The following PTPRD variants were observed in gnomAD, a reference collection of about 807,000 sequenced individuals.
PTPRD encodes protein tyrosine phosphatase receptor type D.
PTPRD carries 34 observed loss-of-function variants against 214.5 expected under a neutral mutation model. The observed-to-expected ratio is 0.16, with a 90% CI of 0.12 to 0.21. The LOEUF (loss-of-function observed/expected upper bound fraction) is 0.21. Among genes scored for constraint, PTPRD ranks in the 10% least tolerant of loss-of-function variants. The pLI is 1.00. For synonymous variants in PTPRD, 1,128 were observed against 845.7 expected (o/e 1.33, Z -5.79); for missense variants, 2,545 against 2,398.7 (o/e 1.06, Z -1.27).
chr9:10,158,061 T>C (rs977106961), intron 3 of PTPRD, among the ~76,000 whole-genome samples: 1 of 152,000 alleles, frequency 6.6e-6, no homozygotes, highest in Non-Finnish European at 1.5e-5. Context: ...CAGGCTGGAG[T>C]GCAATGGCGC....
intron 3 of PTPRD, among the ~76,000 whole-genome samples, chr9:10,073,134 G>C (rs1427637539): frequency 6.6e-6 from 1 of 152,042 alleles, no homozygotes; most frequent in Non-Finnish European, 1.5e-5. Context: ...TAGTGGAGAG[G>C]AGAACGTTGA....
At chr9:8,978,230 C>A (rs1733933558) in intron 11 of PTPRD, among the ~76,000 whole-genome samples, 1 of 152,072 alleles carries the variant, frequency 6.6e-6, no homozygotes, top group South Asian at 2.1e-4. Flanking sequence ...TTATCTCAGT[C>A]TCAAAGGGTA....
chr9:9,049,554 G>A (rs1004180254), intron 10 of PTPRD, among the ~76,000 whole-genome samples: 1 of 152,044 alleles, frequency 6.6e-6, no homozygotes, highest in Non-Finnish European at 1.5e-5. Context: ...GTTGCTAAGG[G>A]GAATAGCATA....
At chr9:10,348,718 C>T (rs956836493) in intron 2 of PTPRD, among the ~76,000 whole-genome samples, 56 of 152,116 alleles carry the variant, frequency 3.7e-4, no homozygotes, top group African/African-American at 9.7e-5. Flanking sequence ...AACGCTATTA[C>T]GGAACTTCGA....
At chr9:8,489,783 C>T (rs1482013780) in intron 27 of PTPRD, among the ~76,000 whole-genome samples, 2 of 152,112 alleles carry the variant, frequency 1.3e-5, no homozygotes, top group Non-Finnish European at 2.9e-5. Flanking sequence ...AAGAATTCTC[C>T]CAAACTCCAC....
intron 6 of PTPRD, among the ~76,000 whole-genome samples, chr9:9,742,253 A>C (rs2098411399): frequency 6.6e-6 from 1 of 152,116 alleles, no homozygotes; most frequent in South Asian, 2.1e-4. Context: ...TGAGAAACTT[A>C]AGGAAGAGAC....
chr9:10,231,596 G>C (rs1396129998), intron 3 of PTPRD, among the ~76,000 whole-genome samples: 1 of 151,934 alleles, frequency 6.6e-6, no homozygotes, highest in Non-Finnish European at 1.5e-5. Context: ...GCGTGAACCT[G>C]TGTGTTACTT....
chr9:9,710,878 A>C (rs79195337), intron 7 of PTPRD, among the ~76,000 whole-genome samples: 7,932 of 152,220 alleles, frequency 0.052, 660 homozygotes, highest in African/African-American at 0.18. Context: ...CATGATTTCC[A>C]GCCAGGGCCG....
chr9:8,579,697 G>C (rs1354695729), intron 14 of PTPRD, among the ~76,000 whole-genome samples: 1 of 152,188 alleles, frequency 6.6e-6, no homozygotes, highest in Non-Finnish European at 1.5e-5. Flanking sequence ...ACCAGATCTG[G>C]GAAAGGCTTC....
chr9:9,856,012 G>C (rs2061487704), intron 5 of PTPRD, among the ~76,000 whole-genome samples: 1 of 152,232 alleles, frequency 6.6e-6, no homozygotes. Flanking sequence ...GAGATCGCAA[G>C]AATGAGTGGA....
At chr9:10,590,969 G>A (rs905034468) in intron 2 of PTPRD, among the ~76,000 whole-genome samples, 4 of 151,506 alleles carry the variant, frequency 2.6e-5, no homozygotes, top group African/African-American at 9.7e-5. Flanking sequence ...GCTGATTTAA[G>A]AATGTTTGAA....
At chr9:10,056,302 CAGAG>C (rs777498539) in intron 3 of PTPRD, among the ~76,000 whole-genome samples, 11 of 145,598 alleles carry the variant, frequency 7.6e-5, no homozygotes, top group Non-Finnish European at 1.2e-4. Context: ...ACCTGGGTGA[CAGAG>C]AGAGACTCCA....
chr9:9,575,900 A>G (rs527242544), intron 7 of PTPRD, among the ~76,000 whole-genome samples: 106 of 152,072 alleles, frequency 7.0e-4, no homozygotes, highest in African/African-American at 2.5e-3. Context: ...GATAGATACT[A>G]TTTTATATGA....
At chr9:8,824,448 G>C (rs2097136937) in intron 11 of PTPRD, among the ~76,000 whole-genome samples, 1 of 152,182 alleles carries the variant, frequency 6.6e-6, no homozygotes, top group African/African-American at 2.4e-5. Flanking sequence ...GAAAGTGTTA[G>C]TATGGTAAGG....
At chr9:10,037,580 G>GA (rs376794277) in intron 3 of PTPRD, among the ~76,000 whole-genome samples, 6,653 of 83,030 alleles carry the variant, frequency 0.08, 216 homozygotes, top group African/African-American at 0.12. Flanking sequence ...TATAGCAGTG[G>GA]AAAAAAAAAA....
At chr9:8,543,039 G>C (rs1321100005) in intron 14 of PTPRD, among the ~76,000 whole-genome samples, 1 of 152,140 alleles carries the variant, frequency 6.6e-6, no homozygotes, top group African/African-American at 2.4e-5. Context: ...AATTTGAGTT[G>C]TGTTCCTATG....
chr9:8,394,589 C>T (rs1034199915), intron 36 of PTPRD, among the ~76,000 whole-genome samples: 1 of 152,132 alleles, frequency 6.6e-6, no homozygotes, highest in African/African-American at 2.4e-5. Context: ...TGTTTATTTG[C>T]TAAACAAGAT....
intron 10 of PTPRD, among the ~76,000 whole-genome samples, chr9:9,137,221 A>C (rs1359402739): frequency 1.3e-5 from 2 of 152,118 alleles, no homozygotes; most frequent in South Asian, 2.1e-4. Flanking sequence ...TAATACATGA[A>C]ATTTTATTTT....
chr9:10,450,846 G>C (rs1566123534), intron 2 of PTPRD, among the ~76,000 whole-genome samples: 1 of 151,796 alleles, frequency 6.6e-6, no homozygotes, highest in African/African-American at 2.4e-5. Flanking sequence ...TATTTGGGGG[G>C]CACTTACATT....
Sources: allele counts gnomAD v4.1 joint callset (sites outside exome capture counted in the v4.1 genomes callset), GRCh38; gene constraint gnomAD v4.1.1; transcripts MANE v1.5; gene names NCBI Gene and HGNC (gene_info 2026-07-23, HGNC 2026-07-21).